EIF2S3: variants seen among roughly 807,000 people sequenced by gnomAD.
EIF2S3 encodes eukaryotic translation initiation factor 2 subunit gamma.
EIF2S3 carries 2 observed loss-of-function variants against 31.7 expected under a neutral mutation model. The observed-to-expected ratio is 0.06, with a 90% confidence interval of 0.03 to 0.20. The LOEUF is 0.20. Among genes scored for constraint, EIF2S3 ranks in the 10% least tolerant of loss-of-function variants. The pLI is 1.00. For missense variants in EIF2S3, 96 were observed against 359.3 expected (o/e 0.27, Z 5.92); for synonymous variants, 120 against 126.7 (o/e 0.95, Z 0.36).
In EIF2S3 at chrX:24,078,151, A is replaced by C. The variant is rs1489898757; in HGVS notation, c.*1366A>C. Among the ~76,000 whole-genome samples, 1 of 109,529 alleles carries C rather than the reference A, an allele frequency of 9.1e-6. No homozygotes were observed. Among genetic ancestry groups the C allele is most frequent in the Non-Finnish European group, 1.9e-5 (1 of 52,618 alleles). The stretch of plus-strand genomic sequence containing the variant: ...AGTGATTCTCGTGCTTCAGCCTCCC[A>C]TGTAGCTGATATTACAGGCACTTGC... On this transcript the variant is annotated 3_prime_UTR_variant, in exon 12 of 12. Coordinates refer to ENST00000253039, the MANE Select transcript of EIF2S3 (RefSeq NM_001415.4).
At chrX:24,074,498 A>G (rs1218135963) in intron 11 of EIF2S3, among the ~76,000 whole-genome samples, 1 of 111,623 alleles carries the variant, frequency 9.0e-6, no homozygotes, top group African/African-American at 3.3e-5. Flanking sequence ...AGATCTTTCT[A>G]GCCAGTACAA....
chrX:24,073,030 T>C, intron 10 of EIF2S3, 61 bp from the exon 11 acceptor site: 2 of 1,116,256 alleles, frequency 1.8e-6, no homozygotes, highest in Non-Finnish European at 2.4e-6. Flanking sequence ...AAATTCTTAC[T>C]TACATTTGGA....
At chrX:24,063,243 C>G (rs7888045) in intron 6 of EIF2S3, among the ~76,000 whole-genome samples, 13,063 of 111,390 alleles carry the variant, frequency 0.12, 1,666 homozygotes, top group African/African-American at 0.38. Flanking sequence ...AACTCCATCT[C>G]AAATAAATAA....
chrX:24,068,163 T>C (rs988160226), intron 9 of EIF2S3, 55 bp downstream of exon 9: 3 of 1,089,665 alleles, frequency 2.8e-6, no homozygotes, highest in African/African-American at 3.7e-5. Flanking sequence ...GTACTTTTCA[T>C]GGGGGATGGA....
intron 11 of EIF2S3, 59 bp from the exon 12 acceptor site, chrX:24,076,659 TTGTG>T: frequency 2.8e-6 from 3 of 1,076,097 alleles, no homozygotes; most frequent in African/African-American, 1.8e-5. Context: ...TATCACAAGA[TTGTG>T]TGGTAATGAG....
At chrX:24,076,042 C>T (rs773721244) in intron 11 of EIF2S3, among the ~76,000 whole-genome samples, 2 of 111,389 alleles carry the variant, frequency 1.8e-5, no homozygotes, top group Admixed American at 9.7e-5. Context: ...ACTGTGCCCA[C>T]GATGGTCTCA....
chrX:24,061,305 C>T (rs1480572042), intron 5 of EIF2S3, among the ~76,000 whole-genome samples: 6 of 105,149 alleles, frequency 5.7e-5, no homozygotes. Context: ...ACCTGTAATC[C>T]CTGCACTTTG....
rs1010582732 is a variant in EIF2S3, at chrX:24,057,283, C to T, written c.134-138C>T. ...TGACCTTGTGATCCACCCACCTCGGCCTCCCAAAGTGCTGGGATTACTGGC... is the reference window on the plus strand; with the variant it reads ...TGACCTTGTGATCCACCCACCTCGGTCTCCCAAAGTGCTGGGATTACTGGC... On this transcript the variant is annotated intron_variant, in intron 2 of 11. Transcript: ENST00000253039. The T allele has an allele frequency of 1.5e-5, 11 of 750,778 alleles. No homozygotes were observed. In the Admixed American group the frequency reaches 2.5e-4, roughly 17 times the overall value. The allele number at this position is 750,778 out of a possible 1,213,427, so 61.9% of individuals were successfully genotyped here. A position where few individuals can be genotyped will look rare whatever the true frequency, so the allele number is the denominator to read the frequency against.
intron 7 of EIF2S3, among the ~76,000 whole-genome samples, chrX:24,064,615 T>C (rs952599878): frequency 6.2e-5 from 7 of 112,003 alleles, no homozygotes; most frequent in Non-Finnish European, 1.3e-4. Context: ...ATCACCTGAG[T>C]TCAGGAGTTT....
chrX:24,070,055 C>T (rs1403528250), intron 9 of EIF2S3, among the ~76,000 whole-genome samples: 1 of 110,161 alleles, frequency 9.1e-6, no homozygotes, highest in African/African-American at 3.3e-5. Flanking sequence ...CATCACTCAG[C>T]TTCAGCAATT....
At chrX:24,064,648 T>A (rs759257439) in intron 7 of EIF2S3, among the ~76,000 whole-genome samples, 1 of 111,805 alleles carries the variant, frequency 8.9e-6, no homozygotes, top group South Asian at 3.7e-4. Flanking sequence ...ATCAGCATGG[T>A]GAAACCCTGT....
rs768908773 is a variant in EIF2S3, at chrX:24,070,439, G to GTTTT, written c.1013-1099_1013-1096dup. On this transcript the variant is annotated intron_variant, in intron 9 of 11. Transcript: ENST00000253039. ...AAGTAGATCCCAGGAATCATATGTA[G>GTTTT]TTTTTTTTTTTTTTTTTTTTTTTGA... Among the ~76,000 whole-genome samples, 351 of 50,947 alleles carry GTTTT rather than the reference G, an allele frequency of 6.9e-3. 27 individuals are homozygous for GTTTT. Among genetic ancestry groups the GTTTT allele is most frequent in the Middle Eastern group, 0.023 (1 of 44 alleles). 44.2% of individuals were successfully genotyped at this position (50,947 alleles called of 115,157 possible).
At position 24,064,160 on chromosome X, in the gene EIF2S3, A is replaced by G. The variant is rs953714037; in HGVS notation, c.638-41A>G. 2.8e-6 allele frequency: 3 copies of G among 1,070,209 alleles called. No homozygotes were observed. In the African/African-American group the frequency reaches 5.7e-5, roughly 20 times the overall value. The allele number at this position is 1,070,209 out of a possible 1,213,427, so 88.2% of individuals were successfully genotyped here. On this transcript the variant is annotated intron_variant, in intron 6 of 11. Coordinates refer to ENST00000253039, the MANE Select transcript of EIF2S3 (RefSeq NM_001415.4). ...AACAGATACATAGAATAAATTTTAT[A>G]AAACTGTATAATTTTGATCTTTCTA...
chrX:24,071,523 A>G, intron 9 of EIF2S3, 35 bp from the exon 10 acceptor site: 1 of 1,179,747 alleles, frequency 8.5e-7, no homozygotes, highest in Non-Finnish European at 1.1e-6. Context: ...TTAGGAAATA[A>G]AAAATTGAGC....
chrX:24,065,904 CAAAT>C, intron 7 of EIF2S3, 90 bp from the exon 8 acceptor site: 5 of 793,759 alleles, frequency 6.3e-6, no homozygotes, highest in Non-Finnish European at 9.1e-6. Flanking sequence ...GTATAAATCT[CAAAT>C]GGCCACTATT....
intron 5 of EIF2S3, among the ~76,000 whole-genome samples, chrX:24,061,369 G>C (rs1930490488): frequency 9.2e-6 from 1 of 109,222 alleles, no homozygotes; most frequent in African/African-American, 3.3e-5. Flanking sequence ...GACCAGTCTG[G>C]CCAACATGGT....
rs193026970 is a variant in EIF2S3 at position 24,069,970 on chromosome X, C to A, written c.1013-1588C>A. On this transcript the variant is annotated intron_variant, in intron 9 of 11. Coordinates refer to ENST00000253039, the MANE Select transcript of EIF2S3 (RefSeq NM_001415.4). ...CCTCCCAAAATACTGGGATTACAGG[C>A]GTGAGCCACCACACTTGGCCTAAGG... is the stretch of plus-strand genomic sequence containing the variant. Among the ~76,000 whole-genome samples the A allele has an allele frequency of 2.5e-3, 280 of 109,816 alleles. 2 individuals carry two copies. Among genetic ancestry groups the A allele is most frequent in the Non-Finnish European group, 4.2e-3 (223 of 52,718 alleles).
intron 11 of EIF2S3, among the ~76,000 whole-genome samples, chrX:24,075,107 C>T (rs779428429): frequency 1.3e-4 from 14 of 110,025 alleles, no homozygotes; most frequent in Non-Finnish European, 2.3e-4. Context: ...TCAGGTGATC[C>T]GCCCTCCTTG....
chrX:24,062,662 A>G, intron 6 of EIF2S3, 88 bp downstream of exon 6: 2 of 1,021,558 alleles, frequency 2.0e-6, no homozygotes, highest in Middle Eastern at 2.7e-4. Context: ...CTTTTAATAT[A>G]TTATCTAAAA....
Sources: gnomAD v4.1 joint callset for allele counts (sites outside exome capture counted in the v4.1 genomes callset) on GRCh38, gnomAD v4.1.1 for gene constraint, MANE v1.5 for transcripts, NCBI Gene and HGNC (gene_info 2026-07-23, HGNC 2026-07-21) for gene names.